LUC7L: variants seen among roughly 807,000 people sequenced by gnomAD.
LUC7L encodes LUC7 like, also known as putative RNA-binding protein Luc7-like 1.
LUC7L carries 29 observed loss-of-function variants against 51.1 expected under a neutral mutation model. The ratio of observed to expected loss-of-function variants is 0.57; its 90% CI spans 0.42 to 0.77. LUC7L has a LOEUF of 0.77. Among genes scored for constraint, LUC7L ranks in the 30% least tolerant of loss-of-function variants. The probability of loss-of-function intolerance (pLI) is 0.00; values close to 1 mark genes in which losing one functional copy is unlikely to be tolerated. For missense variants in LUC7L, 403 were observed against 511.9 expected (o/e 0.79, Z 2.05); for synonymous variants, 181 against 180.7 (o/e 1.00, Z -0.01).
chr16:192,801 C>T (rs927514318), intron 7 of LUC7L, 126 bp downstream of exon 7: 1 of 846,958 alleles, frequency 1.2e-6, no homozygotes, highest in African/African-American at 1.7e-5. Context: ...CCAGGCCTGG[C>T]CTTACTATTT....
chr16:201,572 T>G (rs1042210042), intron 5 of LUC7L, among the ~76,000 whole-genome samples: 1 of 152,072 alleles, frequency 6.6e-6, no homozygotes, highest in Middle Eastern at 3.4e-3. Flanking sequence ...CCTGAGTAGC[T>G]GGGACTACAA....
At chr16:215,519 C>T (rs1168160193) in intron 3 of LUC7L, among the ~76,000 whole-genome samples, 1 of 151,452 alleles carries the variant, frequency 6.6e-6, no homozygotes. Flanking sequence ...ACTTGGGAGG[C>T]TGAGGTAGGA....
rs558656137 is a variant in LUC7L at position 196,015 on chromosome 16, GCTT to G, written c.688-3003_688-3001del. Among the ~76,000 whole-genome samples, 15 of 152,260 alleles carry G rather than the reference GCTT, an allele frequency of 9.9e-5. No homozygotes were observed. The East Asian group carries it at 2.7e-3, about 27-fold the overall frequency. ...AAACAAGCTTTCTAACCAAGTTAAT[GCTT>G]CTTAAGGTAGAAGGGAAAAACATTT... On this transcript the variant is annotated intron_variant, in intron 6 of 9. Coordinates refer to ENST00000293872, the MANE Select transcript of LUC7L (RefSeq NM_201412.3).
At chr16:228,983 G>A in intron 1 of LUC7L, 1 of 1,433,630 alleles carries the variant, frequency 7.0e-7, no homozygotes, top group Non-Finnish European at 9.2e-7. Context: ...TTCGCGGAGG[G>A]GCACGGAGCC....
At chr16:226,051 T>C (rs149304719) in intron 2 of LUC7L, among the ~76,000 whole-genome samples, 257 of 152,300 alleles carry the variant, frequency 1.7e-3, no homozygotes, top group Admixed American at 5.3e-3. Context: ...TTAATCTGTA[T>C]TGACCTCGGT....
At chr16:198,140 G>A (rs1183670484) in intron 6 of LUC7L, among the ~76,000 whole-genome samples, 5 of 151,756 alleles carry the variant, frequency 3.3e-5, no homozygotes, top group African/African-American at 4.8e-5. Context: ...TTAGCCGGGC[G>A]TGGTGGCAGG....
At chr16:220,983 C>G (rs1403384397) in intron 2 of LUC7L, among the ~76,000 whole-genome samples, 2 of 152,126 alleles carry the variant, frequency 1.3e-5, no homozygotes, top group Non-Finnish European at 2.9e-5. Flanking sequence ...CTATTTTAGA[C>G]CCAGAGATAA....
intron 6 of LUC7L, among the ~76,000 whole-genome samples, chr16:194,505 AG>A (rs2142042295): frequency 6.6e-6 from 1 of 152,334 alleles, no homozygotes; most frequent in Admixed American, 6.5e-5. Flanking sequence ...CAACCCAGAT[AG>A]GTAGGAGACT....
chr16:199,333 G>A (rs1017902172), intron 5 of LUC7L, 95 bp from the exon 6 acceptor site: 3 of 779,346 alleles, frequency 3.8e-6, no homozygotes, highest in African/African-American at 3.5e-5. Context: ...AGATGACAGA[G>A]GTGACTTTTA....
intron 5 of LUC7L, among the ~76,000 whole-genome samples, chr16:202,318 G>C (rs1034404309): frequency 2.0e-5 from 3 of 152,062 alleles, no homozygotes; most frequent in African/African-American, 4.8e-5. Context: ...ATCCCAGGGA[G>C]GGCACCAAGC....
chr16:201,735 GGCTT>G (rs1277665773), intron 5 of LUC7L, among the ~76,000 whole-genome samples: 1 of 130,694 alleles, frequency 7.7e-6, no homozygotes, highest in African/African-American at 3.1e-5. Context: ...CACCGCACCA[GGCTT>G]TTTTTTTTTT....
intron 5 of LUC7L, among the ~76,000 whole-genome samples, chr16:203,846 CT>C: frequency 6.6e-6 from 1 of 151,902 alleles, no homozygotes; most frequent in Admixed American, 6.6e-5. Context: ...TAAATCATAT[CT>C]CTACTAAAAA....
chr16:197,479 G>A (rs2049184369), intron 6 of LUC7L, among the ~76,000 whole-genome samples: 1 of 152,060 alleles, frequency 6.6e-6, no homozygotes, highest in Non-Finnish European at 1.5e-5. Flanking sequence ...CCGAAGTTTG[G>A]GATTACAGGC....
At chr16:219,857 GA>G (rs1567190828) in intron 3 of LUC7L, among the ~76,000 whole-genome samples, 1 of 148,290 alleles carries the variant, frequency 6.7e-6, no homozygotes, top group East Asian at 2.0e-4. Context: ...CAACAAGAGT[GA>G]AACTCCGTCT....
rs145355462 is a variant in LUC7L at position 195,699 on chromosome 16, A to C, written c.688-2684T>G. 2.7e-3 allele frequency among the ~76,000 whole-genome samples: 406 copies of C among 152,248 alleles called. 2 individuals carry two copies. Among genetic ancestry groups the C allele is most frequent in the Non-Finnish European group, 4.4e-3 (297 of 68,004 alleles). On this transcript the variant is annotated intron_variant, in intron 6 of 9. Coordinates refer to ENST00000293872, the MANE Select transcript of LUC7L (RefSeq NM_201412.3). ...TTGGCCTCCTAAAGACTGGAATTAC[A>C]GGCGTGAGCCACCACACCCAGCCTC...
At chr16:225,161 A>C (rs1292720060) in intron 2 of LUC7L, among the ~76,000 whole-genome samples, 1 of 152,114 alleles carries the variant, frequency 6.6e-6, no homozygotes, top group East Asian at 1.9e-4. Context: ...ACTACTGACC[A>C]GGAAGGGCAC....
chr16:193,190 C>A (rs2049056399), intron 6 of LUC7L, among the ~76,000 whole-genome samples, 175 bp from the exon 7 acceptor site: 1 of 151,460 alleles, frequency 6.6e-6, no homozygotes, highest in Non-Finnish European at 1.5e-5. Context: ...CTCACTGTCA[C>A]CAGGCTGGAG....
At chr16:227,194 C>G in intron 2 of LUC7L, 48 bp downstream of exon 2, 1 of 1,472,936 alleles carries the variant, frequency 6.8e-7, no homozygotes, top group South Asian at 1.2e-5. Context: ...ACTGCCTATA[C>G]AGCACTCATG....
chr16:218,723 A>C (rs2052667966), intron 3 of LUC7L, among the ~76,000 whole-genome samples: 1 of 151,982 alleles, frequency 6.6e-6, no homozygotes, highest in African/African-American at 2.4e-5. Flanking sequence ...TCTGTCTCAA[A>C]AAAACAGAAA....
Sources: allele counts gnomAD v4.1 joint callset (sites outside exome capture counted in the v4.1 genomes callset), GRCh38; gene constraint gnomAD v4.1.1; transcripts MANE v1.5; gene names NCBI Gene and HGNC (gene_info 2026-07-23, HGNC 2026-07-21).